The following DAB1 variants were observed in gnomAD, a reference collection of about 807,000 sequenced individuals.
DAB1 encodes the protein DAB adaptor protein 1.
Under a neutral mutation model 64.6 loss-of-function variants are expected in DAB1, and 15 were observed. The ratio of observed to expected loss-of-function variants is 0.23; its 90% CI spans 0.16 to 0.36. The LOEUF is 0.36. Ranked by LOEUF, DAB1 falls within the 10% of genes least tolerant of loss-of-function variation. The probability of loss-of-function intolerance (pLI) is 1.00; values close to 1 mark genes in which losing one functional copy is unlikely to be tolerated. For synonymous variants in DAB1, 235 were observed against 251.9 expected (o/e 0.93, Z 0.64); for missense variants, 596 against 706.7 (o/e 0.84, Z 1.78).
chr1:57,882,561 T>C (rs1030849324), intron 1 of DAB1, among the ~76,000 whole-genome samples: 13 of 152,332 alleles, frequency 8.5e-5, no homozygotes, highest in African/African-American at 3.1e-4. Context: ...AATAGGTGCC[T>C]CATAGGTGTT....
At chr1:57,874,245 C>G (rs965350171) in intron 1 of DAB1, 3 of 152,330 alleles carry the variant, frequency 2.0e-5, no homozygotes, top group Non-Finnish European at 2.9e-5. Context: ...CAGGCCTGGA[C>G]CAAGTGCAAC....
At chr1:58,199,974 G>A (rs182613226) in intron 4 of DAB1, among the ~76,000 whole-genome samples, 25 of 152,242 alleles carry the variant, frequency 1.6e-4, no homozygotes, top group East Asian at 3.9e-4. Context: ...GAGCAGGGGC[G>A]GAAGTGGAGG....
At chr1:57,488,357 G>A (rs555143736) in intron 7 of DAB1, among the ~76,000 whole-genome samples, 10 of 148,934 alleles carry the variant, frequency 6.7e-5, no homozygotes, top group South Asian at 2.1e-4. Context: ...AGCCAAGATC[G>A]TGCCACTGCA....
chr1:58,534,864 AGGT>A (rs1236631460), intron 1 of DAB1, among the ~76,000 whole-genome samples: 1 of 152,178 alleles, frequency 6.6e-6, no homozygotes, highest in Non-Finnish European at 1.5e-5. Context: ...TGAGTCTAGG[AGGT>A]GGAGGTTGCA....
At chr1:57,928,188 G>A (rs989812903) in intron 5 of DAB1, among the ~76,000 whole-genome samples, 4 of 151,936 alleles carry the variant, frequency 2.6e-5, no homozygotes, top group Admixed American at 6.6e-5. Flanking sequence ...TTATCAAGGC[G>A]TTAAACATTG....
intron 7 of DAB1, among the ~76,000 whole-genome samples, chr1:57,510,863 C>T (rs773283743): frequency 2.0e-5 from 3 of 152,170 alleles, no homozygotes; most frequent in East Asian, 1.9e-4. Context: ...ACTGCATCCT[C>T]GAACTCCCGA....
intron 2 of DAB1, among the ~76,000 whole-genome samples, chr1:57,147,263 C>A (rs997794604): frequency 6.6e-6 from 1 of 151,890 alleles, no homozygotes; most frequent in African/African-American, 2.4e-5. Context: ...ACCAATCCAC[C>A]ACCTTGGCCT....
intron 3 of DAB1, among the ~76,000 whole-genome samples, chr1:58,399,970 A>C (rs1241195121): frequency 6.6e-6 from 1 of 152,120 alleles, no homozygotes; most frequent in African/African-American, 2.4e-5. Flanking sequence ...GTTGTAACGA[A>C]AACCAGCTCA....
chr1:58,408,068 T>C (rs1374450756), intron 3 of DAB1, among the ~76,000 whole-genome samples: 1 of 152,182 alleles, frequency 6.6e-6, no homozygotes, highest in Non-Finnish European at 1.5e-5. Context: ...CAGCATCGCC[T>C]GAAATCAGTT....
intron 7 of DAB1, among the ~76,000 whole-genome samples, chr1:57,551,729 C>T (rs748749933): frequency 5.9e-5 from 9 of 152,210 alleles, no homozygotes; most frequent in Admixed American, 1.3e-4. Context: ...CTGGAGCCTC[C>T]GGGAGTTTGC....
At chr1:57,197,535 C>T (rs1010539700) in intron 2 of DAB1, among the ~76,000 whole-genome samples, 3 of 152,170 alleles carry the variant, frequency 2.0e-5, no homozygotes, top group East Asian at 1.9e-4. Flanking sequence ...TACAATTATT[C>T]TCATCTTACA....
At chr1:58,162,301 A>C (rs1371131755) in intron 4 of DAB1, among the ~76,000 whole-genome samples, 1 of 152,194 alleles carries the variant, frequency 6.6e-6, no homozygotes, top group African/African-American at 2.4e-5. Context: ...AATAATAGCT[A>C]TTCTTAAGTC....
At chr1:57,083,565 T>C (rs924453219) in intron 4 of DAB1, among the ~76,000 whole-genome samples, 1 of 152,204 alleles carries the variant, frequency 6.6e-6, no homozygotes, top group Admixed American at 6.5e-5. Context: ...AGAAAATGAC[T>C]TTTTGTGTTG....
At chr1:57,409,496 CAA>C (rs1326811193) in intron 1 of DAB1, among the ~76,000 whole-genome samples, 44 of 152,300 alleles carry the variant, frequency 2.9e-4, no homozygotes, top group Admixed American at 9.1e-4. Flanking sequence ...GACAGAGTTT[CAA>C]TCTGTAGGTT....
intron 6 of DAB1, among the ~76,000 whole-genome samples, chr1:57,764,331 T>C (rs1397991649): frequency 6.6e-6 from 1 of 152,010 alleles, no homozygotes; most frequent in African/African-American, 2.4e-5. Flanking sequence ...TTGTACCTAT[T>C]TATGGGCCAC....
chr1:57,915,606 A>C (rs530278819), intron 5 of DAB1, among the ~76,000 whole-genome samples: 1 of 152,300 alleles, frequency 6.6e-6, no homozygotes, highest in Non-Finnish European at 1.5e-5. Flanking sequence ...CATTTCTCGA[A>C]AGCACTTGAT....
At chr1:58,275,726 G>C (rs1661428044) in intron 4 of DAB1, among the ~76,000 whole-genome samples, 1 of 152,058 alleles carries the variant, frequency 6.6e-6, no homozygotes, top group Non-Finnish European at 1.5e-5. Flanking sequence ...ACTCTTTGTG[G>C]GAACATAAAA....
intron 1 of DAB1, among the ~76,000 whole-genome samples, chr1:58,545,574 G>A (rs930100248): frequency 6.6e-6 from 1 of 152,064 alleles, no homozygotes; most frequent in Admixed American, 6.5e-5. Flanking sequence ...AAACATAGCT[G>A]GCAGACTTCT....
chr1:58,323,871 G>A (rs1364559405), intron 4 of DAB1, among the ~76,000 whole-genome samples: 1 of 144,106 alleles, frequency 6.9e-6, no homozygotes, highest in African/African-American at 2.6e-5. Context: ...CTTGCAGTGA[G>A]CCCAGATTGT....
Sources: allele counts gnomAD v4.1 joint callset (sites outside exome capture counted in the v4.1 genomes callset), GRCh38; gene constraint gnomAD v4.1.1; transcripts MANE v1.5; gene names NCBI Gene and HGNC (gene_info 2026-07-23, HGNC 2026-07-21).